PLCZ1: variants seen among roughly 807,000 people sequenced by gnomAD.
PLCZ1 encodes the protein 1-phosphatidylinositol 4,5-bisphosphate phosphodiesterase zeta-1.
Under a neutral mutation model 76.8 loss-of-function variants are expected in PLCZ1, and 64 were observed. The ratio of observed to expected loss-of-function variants is 0.83; its 90% CI spans 0.68 to 1.03. The LOEUF (loss-of-function observed/expected upper bound fraction) is 1.03. Among genes scored for constraint, PLCZ1 ranks in the 50% least tolerant of loss-of-function variants. The pLI is 0.00. For missense variants in PLCZ1, 751 were observed against 713.7 expected (o/e 1.05, Z -0.60); for synonymous variants, 248 against 230.8 (o/e 1.07, Z -0.68).
the PLCZ1 span, among the ~76,000 whole-genome samples, chr12:18,669,657 C>A: frequency 2.1e-5 from 3 of 144,660 alleles, no homozygotes; most frequent in African/African-American, 7.6e-5. Context: ...TCTGGTGTCT[C>A]TTCCTCTCTT....
At chr12:18,691,601 A>G (rs989697496) in intron 12 of PLCZ1, among the ~76,000 whole-genome samples, 29 of 152,302 alleles carry the variant, frequency 1.9e-4, no homozygotes, top group Admixed American at 1.5e-3. Flanking sequence ...GTCCCAGAGC[A>G]TAGAAGAGCA....
chr12:18,681,067 C>T (rs775366712), downstream of PLCZ1, among the ~76,000 whole-genome samples: 21 of 151,942 alleles, frequency 1.4e-4, no homozygotes, highest in Admixed American at 9.2e-4. Flanking sequence ...TTGTCTTTGT[C>T]GTGTTCCGTC....
At chr12:18,734,343 TTTGTTGTTGTTG>T (rs747838079) in intron 3 of PLCZ1, among the ~76,000 whole-genome samples, 2 of 151,846 alleles carry the variant, frequency 1.3e-5, no homozygotes, top group African/African-American at 2.4e-5. Context: ...AGTAGTTGTT[TTTGTTGTTGTTG>T]TTGTTGTTGT....
chr12:18,682,719 C>T (rs1952543409), downstream of PLCZ1, among the ~76,000 whole-genome samples: 1 of 151,910 alleles, frequency 6.6e-6, no homozygotes, highest in Non-Finnish European at 1.5e-5. Flanking sequence ...TGTCTAATTA[C>T]AGGGTACCAA....
At chr12:18,715,355 A>C (rs1957854297) in intron 5 of PLCZ1, among the ~76,000 whole-genome samples, 1 of 152,012 alleles carries the variant, frequency 6.6e-6, no homozygotes. Context: ...CCAAATCTTT[A>C]TTAAGAATAA....
chr12:18,711,252 G>T (rs999654264), intron 6 of PLCZ1, among the ~76,000 whole-genome samples: 1 of 151,238 alleles, frequency 6.6e-6, no homozygotes. Context: ...GATGAAACTG[G>T]AAACCATCAT....
rs1188541231 is a variant in PLCZ1, at chr12:18,723,300, T to C, written c.367+11A>G. On this transcript the variant is annotated intron_variant, in intron 4 of 14. Coordinates refer to ENST00000266505, the MANE Select transcript of PLCZ1 (RefSeq NM_033123.4). ...TAAATATTCCGATAAAAGTTTGAAATGCAAACATACCTTCTTCGATAGGCT... is the reference window on the plus strand; with the variant it reads ...TAAATATTCCGATAAAAGTTTGAAACGCAAACATACCTTCTTCGATAGGCT... The C allele has an allele frequency of 6.2e-7, 1 of 1,600,880 alleles. No individual in the cohort carries two copies. Among genetic ancestry groups the C allele is most frequent in the East Asian group, 2.2e-5 (1 of 44,640 alleles).
Position 18,719,466 on chromosome 12 carries a change from T to C in PLCZ1, c.534A>G (p.Gln178=), listed in dbSNP as rs760842775. 3 of 1,559,740 alleles carry C rather than the reference T, an allele frequency of 1.9e-6. No individual in the cohort carries two copies. The highest frequency in any genetic ancestry group is 2.6e-6 in the Non-Finnish European group (3 of 1,148,274). The change falls in exon 5 of 15, where the codon CAA becomes CAG. Residue 178 remains glutamine (Q), a synonymous_variant. Coordinates refer to ENST00000266505, the MANE Select transcript of PLCZ1 (RefSeq NM_033123.4). ...CCCAAAGGTCACTTGGTCCCAATAA[T>C]TGATCAGATACCAAATATGTGTTAT... is the stretch of plus-strand genomic sequence containing the variant. ...SSHNTYLVSD[Q]LLGPSDLWGY...
intron 2 of PLCZ1, 83 bp from the exon 3 acceptor site, chr12:18,736,427 T>C (rs1403736081): frequency 1.7e-5 from 24 of 1,387,236 alleles, no homozygotes; most frequent in Non-Finnish European, 1.2e-5. Flanking sequence ...TGATTTACTG[T>C]ATTATTTTTA....
At chr12:18,720,093 G>A (rs1565728756) in intron 4 of PLCZ1, among the ~76,000 whole-genome samples, 2 of 152,130 alleles carry the variant, frequency 1.3e-5, no homozygotes, top group East Asian at 3.9e-4. Context: ...CACTTTATAT[G>A]AATTGACTCA....
chr12:18,657,631 C>T, the PLCZ1 span, among the ~76,000 whole-genome samples: 1 of 152,200 alleles, frequency 6.6e-6, no homozygotes, highest in African/African-American at 2.4e-5. Context: ...ACAATGAATA[C>T]ATACTTTAAA....
the PLCZ1 span, among the ~76,000 whole-genome samples, chr12:18,653,278 G>T: frequency 6.6e-6 from 1 of 152,094 alleles, no homozygotes; most frequent in Non-Finnish European, 1.5e-5. Context: ...CATGCCAAAA[G>T]TGAAGATTTG....
At chr12:18,678,226 AC>A (rs899360640), downstream of PLCZ1, among the ~76,000 whole-genome samples, 4 of 152,182 alleles carry the variant, frequency 2.6e-5, no homozygotes, top group African/African-American at 9.6e-5. Flanking sequence ...CTGTTAGAAC[AC>A]ACATTGTCAC....
intron 6 of PLCZ1, among the ~76,000 whole-genome samples, chr12:18,711,831 A>G (rs552442804): frequency 1.4e-4 from 22 of 152,184 alleles, no homozygotes; most frequent in Non-Finnish European, 2.5e-4. Context: ...ACTGGAGTAG[A>G]AATAAATAAA....
At chr12:18,723,722 G>A (rs185151469) in intron 3 of PLCZ1, among the ~76,000 whole-genome samples, 180 bp from the exon 4 acceptor site, 2 of 152,068 alleles carry the variant, frequency 1.3e-5, no homozygotes, top group African/African-American at 4.8e-5. Flanking sequence ...TTGGAAAAGG[G>A]TTAGTTAACT....
chr12:18,704,211 A>AC (rs1956297279), intron 7 of PLCZ1, among the ~76,000 whole-genome samples: 1 of 152,220 alleles, frequency 6.6e-6, no homozygotes, highest in Non-Finnish European at 1.5e-5. Flanking sequence ...CAGTAAGAAA[A>AC]TCTTTGATGA....
At chr12:18,689,532 G>A (rs187878289) in intron 12 of PLCZ1, among the ~76,000 whole-genome samples, 3 of 152,048 alleles carry the variant, frequency 2.0e-5, no homozygotes, top group Admixed American at 2.0e-4. Flanking sequence ...CGTGGCCCAG[G>A]GAAGCCAAAA....
intron 3 of PLCZ1, among the ~76,000 whole-genome samples, 177 bp from the exon 4 acceptor site, chr12:18,723,719 A>C: frequency 6.6e-6 from 1 of 152,148 alleles, no homozygotes; most frequent in East Asian, 1.9e-4. Context: ...AAATTGGAAA[A>C]GGGTTAGTTA....
chr12:18,648,843 T>C, the PLCZ1 span, among the ~76,000 whole-genome samples: 1 of 152,144 alleles, frequency 6.6e-6, no homozygotes, highest in African/African-American at 2.4e-5. Context: ...TAATGCACTA[T>C]GCCACATTCT....
Sources: allele counts gnomAD v4.1 joint callset (sites outside exome capture counted in the v4.1 genomes callset), GRCh38; gene constraint gnomAD v4.1.1; transcripts MANE v1.5; gene names NCBI Gene and HGNC (gene_info 2026-07-23, HGNC 2026-07-21).